The following ABTB3 variants were observed in gnomAD, a reference collection of about 807,000 sequenced individuals.
ABTB3 encodes ankyrin repeat- and BTB/POZ domain-containing protein 3.
chr12:107,493,042 A>T, the ABTB3 span, among the ~76,000 whole-genome samples: 1 of 151,978 alleles, frequency 6.6e-6, no homozygotes, highest in Admixed American at 6.5e-5. Flanking sequence ...GGGGCAAAAG[A>T]GCAGAACGAA....
At chr12:107,485,951 G>C in the ABTB3 span, among the ~76,000 whole-genome samples, 6 of 152,216 alleles carry the variant, frequency 3.9e-5, no homozygotes, top group African/African-American at 1.4e-4. Flanking sequence ...TCTGAGTCTA[G>C]TGCAAGCAAA....
At chr12:107,656,882 A>G in the ABTB3 span, among the ~76,000 whole-genome samples, 1 of 152,088 alleles carries the variant, frequency 6.6e-6, no homozygotes, top group Non-Finnish European at 1.5e-5. Flanking sequence ...AAAGATTTCT[A>G]AGCCAGGTGC....
chr12:107,524,179 G>A, the ABTB3 span, among the ~76,000 whole-genome samples: 1 of 152,216 alleles, frequency 6.6e-6, no homozygotes, highest in Non-Finnish European at 1.5e-5. Context: ...GCACACAAAT[G>A]GGTGTTGCTA....
the ABTB3 span, among the ~76,000 whole-genome samples, chr12:107,393,587 A>G: frequency 6.6e-6 from 1 of 152,106 alleles, no homozygotes. Flanking sequence ...ACAGAAGCAC[A>G]CCTGCCATGG....
the ABTB3 span, chr12:107,620,282 G>T: frequency 7.6e-7 from 1 of 1,313,614 alleles, no homozygotes; most frequent in African/African-American, 1.5e-5. Context: ...CGGTCATAGC[G>T]ACCAGTGGCG....
At chr12:107,339,518 T>G in the ABTB3 span, among the ~76,000 whole-genome samples, 3 of 152,266 alleles carry the variant, frequency 2.0e-5, no homozygotes, top group South Asian at 4.1e-4. Flanking sequence ...TCATCATGTT[T>G]TCCTTAAAAT....
chr12:107,424,681 T>C, the ABTB3 span, among the ~76,000 whole-genome samples: 4 of 152,188 alleles, frequency 2.6e-5, no homozygotes, highest in Non-Finnish European at 5.9e-5. Context: ...AAAACTCTTT[T>C]CAGCCCAGAC....
At chr12:107,389,737 G>A in the ABTB3 span, among the ~76,000 whole-genome samples, 4 of 151,684 alleles carry the variant, frequency 2.6e-5, no homozygotes, top group Non-Finnish European at 4.4e-5. Context: ...TAGCCGGGGG[G>A]CTCTACTGGA....
the ABTB3 span, among the ~76,000 whole-genome samples, chr12:107,457,628 G>A: frequency 6.6e-6 from 1 of 152,300 alleles, no homozygotes; most frequent in African/African-American, 2.4e-5. Context: ...TCCCAACACA[G>A]GGACAGAGTC....
chr12:107,350,484 C>T, the ABTB3 span, among the ~76,000 whole-genome samples: 115 of 150,658 alleles, frequency 7.6e-4, 1 homozygote, highest in East Asian at 0.021. Context: ...ACCCAGGAGG[C>T]GGAGCTTGCA....
the ABTB3 span, chr12:107,612,633 G>A: frequency 1.1e-4 from 87 of 782,628 alleles, no homozygotes; most frequent in East Asian, 1.9e-3. Context: ...GTGACCTTAC[G>A]AGTCACAGGG....
the ABTB3 span, among the ~76,000 whole-genome samples, chr12:107,419,183 CA>C: frequency 2.0e-5 from 3 of 152,230 alleles, no homozygotes; most frequent in Non-Finnish European, 2.9e-5. Context: ...CAGCAGAGAC[CA>C]GGGGAACCAG....
At chr12:107,344,089 G>A in the ABTB3 span, among the ~76,000 whole-genome samples, 3 of 152,206 alleles carry the variant, frequency 2.0e-5, no homozygotes, top group East Asian at 5.8e-4. Flanking sequence ...TCTCAAGGTA[G>A]CCTCATGGTC....
chr12:107,594,585 A>G, the ABTB3 span, among the ~76,000 whole-genome samples: 3 of 152,176 alleles, frequency 2.0e-5, no homozygotes, highest in African/African-American at 7.2e-5. Flanking sequence ...GACTTACCTC[A>G]GCACAAAGCA....
At chr12:107,547,689 T>A in the ABTB3 span, among the ~76,000 whole-genome samples, 1 of 152,320 alleles carries the variant, frequency 6.6e-6, no homozygotes, top group South Asian at 2.1e-4. Context: ...CTGGGAAGCA[T>A]GTGGATTGGA....
the ABTB3 span, among the ~76,000 whole-genome samples, chr12:107,619,163 G>C: frequency 6.6e-6 from 1 of 152,170 alleles, no homozygotes; most frequent in Non-Finnish European, 1.5e-5. Context: ...AGGTGGGGAG[G>C]GGTTAGTCTG....
At chr12:107,598,430 A>G in the ABTB3 span, among the ~76,000 whole-genome samples, 2 of 152,226 alleles carry the variant, frequency 1.3e-5, no homozygotes, top group African/African-American at 2.4e-5. Context: ...ATAGCCAGCC[A>G]TAGAGTCTGG....
the ABTB3 span, among the ~76,000 whole-genome samples, chr12:107,321,924 A>G: frequency 6.6e-6 from 1 of 152,080 alleles, no homozygotes; most frequent in African/African-American, 2.4e-5. Flanking sequence ...GGAAGGCTCT[A>G]GTGTGGAAAT....
the ABTB3 span, among the ~76,000 whole-genome samples, chr12:107,475,450 AT>A: frequency 6.6e-6 from 1 of 152,264 alleles, no homozygotes; most frequent in South Asian, 2.1e-4. Flanking sequence ...AACCATTTCC[AT>A]CACCCAGGGC....
Sources: allele counts gnomAD v4.1 joint callset (sites outside exome capture counted in the v4.1 genomes callset), GRCh38; gene constraint gnomAD v4.1.1; transcripts MANE v1.5; gene names NCBI Gene and HGNC (gene_info 2026-07-23, HGNC 2026-07-21).